The following SPAG16 variants were observed in gnomAD, a reference collection of about 807,000 sequenced individuals.
SPAG16 encodes the protein sperm-associated antigen 16 protein.
SPAG16 carries 86 observed loss-of-function variants against 80.4 expected under a neutral mutation model. That is an observed-to-expected ratio of 1.07 (90% CI 0.90 to 1.28). The LOEUF is 1.28. Ranked by LOEUF, SPAG16 falls within the 50% of genes most tolerant of loss-of-function variation. The probability of loss-of-function intolerance (pLI) is 0.00; values close to 1 mark genes in which losing one functional copy is unlikely to be tolerated. For synonymous variants in SPAG16, 294 were observed against 265.9 expected (o/e 1.11, Z -1.03); for missense variants, 870 against 765.3 (o/e 1.14, Z -1.61).
intron 10 of SPAG16, among the ~76,000 whole-genome samples, chr2:213,749,086 G>T (rs1276913821): frequency 2.0e-5 from 3 of 152,112 alleles, no homozygotes; most frequent in Non-Finnish European, 4.4e-5. Context: ...GGCGGAGGTT[G>T]CAGTGAGCCG....
intron 11 of SPAG16, among the ~76,000 whole-genome samples, chr2:213,878,650 T>C (rs1194791676): frequency 6.6e-6 from 1 of 152,152 alleles, no homozygotes; most frequent in Non-Finnish European, 1.5e-5. Flanking sequence ...CAGAAGCTTT[T>C]CAGTTTAATT....
intron 15 of SPAG16, among the ~76,000 whole-genome samples, chr2:214,334,225 G>C (rs1236355085): frequency 6.6e-6 from 1 of 152,138 alleles, no homozygotes; most frequent in Non-Finnish European, 1.5e-5. Flanking sequence ...TCTGGTATTG[G>C]CCAGGTTGCC....
chr2:213,694,438 T>A (rs185535037), intron 10 of SPAG16, among the ~76,000 whole-genome samples: 33 of 152,350 alleles, frequency 2.2e-4, no homozygotes, highest in African/African-American at 7.2e-4. Context: ...TTCATTTATT[T>A]AATGAATAAA....
At chr2:213,696,382 A>G (rs113585122) in intron 10 of SPAG16, among the ~76,000 whole-genome samples, 14 of 152,290 alleles carry the variant, frequency 9.2e-5, no homozygotes, top group African/African-American at 3.4e-4. Context: ...AGCACTGGCC[A>G]TCAATATTCA....
At chr2:213,468,382 TATAG>T in intron 9 of SPAG16, among the ~76,000 whole-genome samples, 1 of 145,222 alleles carries the variant, frequency 6.9e-6, no homozygotes, top group Admixed American at 7.0e-5. Context: ...TCTCTATATA[TATAG>T]ATATATATAT....
At chr2:214,263,576 C>T (rs1163131044) in intron 15 of SPAG16, among the ~76,000 whole-genome samples, 1 of 152,148 alleles carries the variant, frequency 6.6e-6, no homozygotes, top group Non-Finnish European at 1.5e-5. Context: ...GAGTCATTAG[C>T]AGCTATGGAA....
intron 14 of SPAG16, among the ~76,000 whole-genome samples, chr2:214,145,327 A>G (rs1576342485): frequency 6.6e-6 from 1 of 152,262 alleles, no homozygotes; most frequent in South Asian, 2.1e-4. Context: ...TACTTCTTCC[A>G]TATTAGATTA....
intron 10 of SPAG16, among the ~76,000 whole-genome samples, chr2:213,775,843 T>C (rs2250780): frequency 1.2e-4 from 18 of 152,366 alleles, no homozygotes; most frequent in African/African-American, 4.3e-4. Flanking sequence ...CTGCATTTTT[T>C]GGTTTTATTT....
chr2:213,606,833 C>T (rs1387785199), intron 10 of SPAG16, among the ~76,000 whole-genome samples: 1 of 152,210 alleles, frequency 6.6e-6, no homozygotes, highest in Non-Finnish European at 1.5e-5. Context: ...AAAGCTTCAT[C>T]TGCACTACAG....
intron 12 of SPAG16, among the ~76,000 whole-genome samples, chr2:213,932,231 G>A (rs1446813252): frequency 1.4e-5 from 2 of 142,408 alleles, no homozygotes; most frequent in East Asian, 4.2e-4. Flanking sequence ...TTGTTTTTAA[G>A]ACTGAATCTT....
intron 15 of SPAG16, among the ~76,000 whole-genome samples, chr2:214,159,211 A>C (rs927793895): frequency 6.6e-6 from 1 of 152,028 alleles, no homozygotes; most frequent in Non-Finnish European, 1.5e-5. Context: ...AATAGAAATA[A>C]ATTTATACAA....
chr2:214,407,614 A>G lies in SPAG16; in HGVS notation c.1721-2526A>G, dbSNP rs533038596. 1.1e-3 allele frequency among the ~76,000 whole-genome samples: 170 copies of G among 152,274 alleles called. 1 individual carries two copies. The highest frequency in any genetic ancestry group is 3.9e-3 in the African/African-American group (161 of 41,590). On this transcript the variant is annotated intron_variant, in intron 15 of 15. Transcript: ENST00000331683. ...ATTGCCAATCACCAGGAGATTTAAA[A>G]AGATACCCATGCACTTCTGTATAAA... is the stretch of plus-strand genomic sequence containing the variant.
At chr2:214,040,436 T>C (rs1427635672) in intron 13 of SPAG16, among the ~76,000 whole-genome samples, 1 of 152,132 alleles carries the variant, frequency 6.6e-6, no homozygotes, top group Non-Finnish European at 1.5e-5. Flanking sequence ...CTCTCTCCAC[T>C]CCCACCCTTT....
At chr2:213,875,491 A>C (rs1275702555) in intron 11 of SPAG16, among the ~76,000 whole-genome samples, 1 of 152,146 alleles carries the variant, frequency 6.6e-6, no homozygotes, top group Non-Finnish European at 1.5e-5. Context: ...TGTCAACTAG[A>C]AAGTTTTTTA....
At chr2:213,612,214 T>C (rs892057166) in intron 10 of SPAG16, among the ~76,000 whole-genome samples, 5 of 151,974 alleles carry the variant, frequency 3.3e-5, no homozygotes, top group Admixed American at 6.6e-5. Context: ...TTATGTTTAA[T>C]TTTTTTTGAA....
rs994846216 is a variant in SPAG16, at chr2:213,868,864, C to G, written c.1214+6236C>G. Among the ~76,000 whole-genome samples the G allele has an allele frequency of 4.6e-5, 7 of 152,170 alleles. No homozygotes were observed. The South Asian group carries it at 6.2e-4, about 14-fold the overall frequency. On this transcript the variant is annotated intron_variant, in intron 11 of 15. Coordinates refer to ENST00000331683, the MANE Select transcript of SPAG16 (RefSeq NM_024532.5). ...TCCAAAATACCTCATGTTCTCTCTTCACTGTACAGGCTACCTATTCACATA... is the reference window on the plus strand; with the variant it reads ...TCCAAAATACCTCATGTTCTCTCTTGACTGTACAGGCTACCTATTCACATA...
intron 9 of SPAG16, among the ~76,000 whole-genome samples, chr2:213,480,941 A>G (rs1559175924): frequency 1.3e-5 from 2 of 152,370 alleles, no homozygotes; most frequent in South Asian, 4.1e-4. Flanking sequence ...TTAACCTGTT[A>G]GCATTAAAGT....
At chr2:213,860,476 T>TAGATATAG (rs199605654) in intron 10 of SPAG16, among the ~76,000 whole-genome samples, 11 of 136,928 alleles carry the variant, frequency 8.0e-5, no homozygotes, top group Middle Eastern at 3.8e-3. Flanking sequence ...TATCTATCTA[T>TAGATATAG]ATATATATAT....
Position 214,133,293 on chromosome 2 carries a change from A to G in SPAG16, c.1594-15847A>G, listed in dbSNP as rs868209460. ...TCCAGGGGCACTTTCTAGTTGCGAAATCAAAGATGTCTCTGGACATTGCCA... is the reference window on the plus strand; with the variant it reads ...TCCAGGGGCACTTTCTAGTTGCGAAGTCAAAGATGTCTCTGGACATTGCCA... On this transcript the variant is annotated intron_variant, in intron 14 of 15. Coordinates refer to ENST00000331683, the MANE Select transcript of SPAG16 (RefSeq NM_024532.5). Among the ~76,000 whole-genome samples the G allele has an allele frequency of 2.9e-4, 44 of 152,176 alleles. 1 individual carries two copies. In the Middle Eastern group the frequency reaches 0.014, roughly 47 times the overall value.
Sources: gnomAD v4.1 joint callset for allele counts (sites outside exome capture counted in the v4.1 genomes callset) on GRCh38, gnomAD v4.1.1 for gene constraint, MANE v1.5 for transcripts, NCBI Gene and HGNC (gene_info 2026-07-23, HGNC 2026-07-21) for gene names.